PKN3: variants seen among roughly 807,000 people sequenced by gnomAD.
PKN3 encodes protein kinase N3.
A neutral mutation model predicts 113.1 loss-of-function variants in PKN3; 91 were observed. The ratio of observed to expected loss-of-function variants is 0.80; its 90% CI spans 0.68 to 0.96. The LOEUF is 0.96. Ranked by LOEUF, PKN3 falls within the 40% of genes least tolerant of loss-of-function variation. The pLI, the probability that PKN3 is intolerant of heterozygous loss-of-function variation, is 0.00. For missense variants in PKN3, 1,052 were observed against 1,202.2 expected (o/e 0.88, Z 1.85); for synonymous variants, 467 against 499.0 (o/e 0.94, Z 0.85).
intron 6 of PKN3, among the ~76,000 whole-genome samples, chr9:128,711,487 T>G (rs1372316457): frequency 6.6e-6 from 1 of 151,332 alleles, no homozygotes; most frequent in East Asian, 1.9e-4. Flanking sequence ...ATTTTTTGTA[T>G]TTTTAGTAGA....
chr9:128,709,932 G>A (rs1276502088), intron 6 of PKN3: 2 of 148,652 alleles, frequency 1.3e-5, no homozygotes, highest in Non-Finnish European at 3.0e-5. Context: ...AACAGAGTGA[G>A]ACTCCGAGCA....
rs118142875 is a variant in PKN3 at position 128,718,723 on chromosome 9, C to T, written c.2125+98C>T. ...TGGCATGTCCCAGGAAATCTCCTCA[C>T]CTGCGGATGCCCTGGTTCCACCACC... On this transcript the variant is annotated intron_variant, in intron 18 of 21. Transcript: ENST00000291906. 3,710 of 1,131,650 alleles carry T rather than the reference C, an allele frequency of 3.3e-3. 33 individuals are homozygous for T. Among genetic ancestry groups the T allele is most frequent in the African/African-American group, 0.023 (1,517 of 65,938 alleles). 70.1% of individuals were successfully genotyped at this position (1,131,650 alleles called of 1,614,324 possible). A position where few individuals can be genotyped will look rare whatever the true frequency, so the allele number is the denominator to read the frequency against.
intron 6 of PKN3, among the ~76,000 whole-genome samples, chr9:128,712,249 CT>C (rs1249010956): frequency 1.3e-5 from 2 of 152,152 alleles, no homozygotes; most frequent in African/African-American, 2.4e-5. Flanking sequence ...CCCTGGACCC[CT>C]GCCTTTGTTT....
At chr9:128,703,281 C>A in intron 1 of PKN3, 2 of 809,764 alleles carry the variant, frequency 2.5e-6, no homozygotes, top group Non-Finnish European at 3.0e-6. Context: ...GGCTCCAAGG[C>A]CGACGGGAAT....
Position 128,720,675 on chromosome 9 carries a change from G to A in PKN3, c.*69G>A, listed in dbSNP as rs1015660980. ...AGAGCCTCTGCTCGTTCACCCGTGC[G>A]CCCTGCCTGGAGGTCCAGGCCTTGC... On this transcript the variant is annotated 3_prime_UTR_variant, in exon 22 of 22. Coordinates refer to ENST00000291906, the MANE Select transcript of PKN3 (RefSeq NM_013355.5). The surrounding 1 kb of genome is among the most constrained non-coding windows in gnomAD (Gnocchi z 5.5). 34 of 1,382,770 alleles carry A rather than the reference G, an allele frequency of 2.5e-5. No homozygotes were observed. The highest frequency in any genetic ancestry group is 2.4e-4 in the South Asian group (19 of 78,678). The allele number at this position is 1,382,770 out of a possible 1,614,324, so 85.7% of individuals were successfully genotyped here. A position where few individuals can be genotyped will look rare whatever the true frequency, so the allele number is the denominator to read the frequency against.
rs781019007 is a variant in PKN3, at chr9:128,718,390, G to A, written c.2048+3G>A. On this transcript the variant is annotated splice_donor_region_variant and intron_variant, in intron 17 of 21. Transcript: ENST00000291906. ...CACGAGAAGAAGATCATTTACAGGT[G>A]ACTTTTGTCCCAGGGATGCACGGGG... The A allele has an allele frequency of 7.1e-7, 1 of 1,400,198 alleles. No individual in the cohort carries two copies. The allele number at this position is 1,400,198 out of a possible 1,614,324, so 86.7% of individuals were successfully genotyped here.
At chr9:128,710,752 A>C (rs528884971) in intron 6 of PKN3, among the ~76,000 whole-genome samples, 39 of 152,272 alleles carry the variant, frequency 2.6e-4, no homozygotes, top group Non-Finnish European at 5.1e-4. Flanking sequence ...TTGGCCTCCC[A>C]AAGTGCTGGG....
At chr9:128,708,138 T>TGGAAGACTGAGGTGGGC (rs1334252691) in intron 6 of PKN3, among the ~76,000 whole-genome samples, 2 of 150,648 alleles carry the variant, frequency 1.3e-5, no homozygotes, top group South Asian at 2.1e-4. Flanking sequence ...CCCAGCACTT[T>TGGAAGACTGAGGTGGGC]GGAAGACTGA....
chr9:128,714,963 T>C (rs1198345592), intron 13 of PKN3, 98 bp downstream of exon 13: 1 of 1,242,316 alleles, frequency 8.0e-7, no homozygotes, highest in African/African-American at 1.5e-5. Context: ...CCCTGGCGGG[T>C]GCGCTGACTG....
chr9:128,720,806 G>A lies in PKN3; in HGVS notation c.*200G>A, dbSNP rs757112152. ...AGTGTGTCCCTTCCCCCTCCAGCTC[G>A]CCCTCTTCTACCTCCCAGCGAGACC... On this transcript the variant is annotated 3_prime_UTR_variant, in exon 22 of 22. Coordinates refer to ENST00000291906, the MANE Select transcript of PKN3 (RefSeq NM_013355.5). This position sits in a 1 kb window ranked among gnomAD's most constrained non-coding sequence, Gnocchi z 5.5. The A allele has an allele frequency of 6.9e-5, 42 of 607,540 alleles. No homozygotes were observed. Among genetic ancestry groups the A allele is most frequent in the Non-Finnish European group, 1.2e-4 (40 of 344,062 alleles). The allele number at this position is 607,540 out of a possible 1,614,324, so 37.6% of individuals were successfully genotyped here. A position where few individuals can be genotyped will look rare whatever the true frequency, so the allele number is the denominator to read the frequency against.
Position 128,716,733 on chromosome 9 carries a change from G to C in PKN3, c.1809-14G>C, listed in dbSNP as rs1564376914. 2 of 1,611,642 alleles carry C rather than the reference G, an allele frequency of 1.2e-6. No individual in the cohort carries two copies. The highest frequency in any genetic ancestry group is 1.7e-6 in the Non-Finnish European group (2 of 1,178,258). On this transcript the variant is annotated splice_polypyrimidine_tract_variant and intron_variant, in intron 15 of 21. Coordinates refer to ENST00000291906, the MANE Select transcript of PKN3 (RefSeq NM_013355.5). ...AGTTTTCCTTCCCTCTAATACTCTTGCTCTCTCCTGTAGCCTGTACTGCGA... is the reference window on the plus strand; with the variant it reads ...AGTTTTCCTTCCCTCTAATACTCTTCCTCTCTCCTGTAGCCTGTACTGCGA...
intron 18 of PKN3, among the ~76,000 whole-genome samples, chr9:128,719,121 C>T (rs1862439460): frequency 6.6e-6 from 1 of 151,700 alleles, no homozygotes; most frequent in Admixed American, 6.6e-5. Context: ...TGGTCTCGAT[C>T]TCCTGACCTC....
At position 128,706,908 on chromosome 9, in the gene PKN3, T is replaced by A; in HGVS notation, c.536T>A (p.Leu179Gln). The change falls in exon 5 of 22, where the codon CTG becomes CAG. Residue 179 changes from leucine to glutamine, a missense_variant. Leu to Gln is a moderately radical substitution (Grantham distance 113). This residue lies in a region of PKN3 where 719 missense variants were observed against 759.4 expected (regional missense o/e 0.95). Coordinates refer to ENST00000291906, the MANE Select transcript of PKN3 (RefSeq NM_013355.5). ...GTCCTTCCCACAGGGCCTGAGCTGC[T>A]GGCGGAGGAGCTACAGCATCGACTG... ...SGSPEPGPEL[L>Q]AEELQHRLHV... is the part of the protein sequence containing the mutation. 6.2e-7 allele frequency: 1 copy of A among 1,614,152 alleles called. No individual in the cohort carries two copies. The highest frequency in any genetic ancestry group is 8.5e-7 in the Non-Finnish European group (1 of 1,180,020).
In PKN3 at chr9:128,713,352, T is replaced by TCCTGGGACCAGA; in HGVS notation, c.1061_1072dup (p.Trp354_Thr357dup). 6.2e-7 allele frequency: 1 copy of TCCTGGGACCAGA among 1,614,026 alleles called. No individual in the cohort carries two copies. Among genetic ancestry groups the TCCTGGGACCAGA allele is most frequent in the Non-Finnish European group, 8.5e-7 (1 of 1,180,008 alleles). On this transcript the variant is annotated inframe_insertion, in exon 8 of 22. Transcript: ENST00000291906. Reference sequence around the variant, plus strand: ...GGGCTGGGGGCAGGTGGCCGAACAGTCCTGGGACCAGACCTTTGTCATCCC... The same window carrying TCCTGGGACCAGA: ...GGGCTGGGGGCAGGTGGCCGAACAGTCCTGGGACCAGACCTGGGACCAGACCTTTGTCATCCC...
Position 128,713,324 on chromosome 9 carries a change from G to T in PKN3, c.1029G>T (p.Gln343His). The stretch of plus-strand genomic sequence containing the variant: ...AGGTGGACAACCGTGTTGTGGGGCA[G>T]ACGGGCTGGGGGCAGGTGGCCGAAC... ...VLKVDNRVVG[Q>H]TGWGQVAEQS... The change falls in exon 8 of 22, where the codon CAG becomes CAT. Residue 343 changes from glutamine (Q) to histidine (H), a missense_variant. By Grantham distance (24) the Gln-to-His change is conservative (BLOSUM62 0). Coordinates refer to ENST00000291906, the MANE Select transcript of PKN3 (RefSeq NM_013355.5). The T allele has an allele frequency of 3.7e-6, 6 of 1,614,162 alleles. 1 individual carries two copies. Among genetic ancestry groups the T allele is most frequent in the South Asian group, 3.3e-5 (3 of 91,062 alleles).
chr9:128,716,940 C>T lies in PKN3; in HGVS notation c.1985+17C>T, dbSNP rs571437218. 16 of 1,609,584 alleles carry T rather than the reference C, an allele frequency of 9.9e-6. No individual in the cohort carries two copies. The South Asian group carries it at 1.4e-4, about 14-fold the overall frequency. On this transcript the variant is annotated intron_variant, in intron 16 of 21. Transcript: ENST00000291906. Reference sequence around the variant, plus strand: ...CCAGGCCCGGTGGGTTCCATCCCTCCTGCCTGCCTCTTCCAGCAAACTTTG... The same window carrying T: ...CCAGGCCCGGTGGGTTCCATCCCTCTTGCCTGCCTCTTCCAGCAAACTTTG...
At position 128,714,623 on chromosome 9, in the gene PKN3, C is replaced by A; in HGVS notation, c.1543C>A (p.Arg515Ser). The A allele has an allele frequency of 1.4e-6, 2 of 1,431,944 alleles. No homozygotes were observed. The highest frequency in any genetic ancestry group is 9.9e-7 in the Non-Finnish European group (1 of 1,013,974). 88.7% of individuals were successfully genotyped at this position (1,431,944 alleles called of 1,614,324 possible). A position where few individuals can be genotyped will look rare whatever the true frequency, so the allele number is the denominator to read the frequency against. Residue 515 changes from arginine to serine, a missense_variant, in exon 12 of 22, where the codon CGC becomes AGC. Arg to Ser is a moderately radical substitution (Grantham distance 110). Transcript: ENST00000291906. The part of the protein sequence containing the change: ...EEMTPPPKPP[R>S]LYLPQEPTSE... ...GATGACACCCCCACCCAAGCCCCCA[C>A]GCCTCTACCTCCCCCAGGAGCCAAC...
rs553989365 is a variant in PKN3 at position 128,705,529 on chromosome 9, G to C, written c.251G>C (p.Gly84Ala). ...LHARILLPGP[G>A]PGPAEPVASG... Reference sequence around the variant, plus strand: ...GCCCGAATCCTGCTGCCCGGCCCTGGGCCTGGCCCAGCTGGTGAGTGAGGA... The same window carrying C: ...GCCCGAATCCTGCTGCCCGGCCCTGCGCCTGGCCCAGCTGGTGAGTGAGGA... The change falls in exon 2 of 22, where the codon GGG becomes GCG. Residue 84 changes from glycine (G) to alanine (A), a missense_variant. Physicochemically the swap from Gly to Ala is moderately conservative, Grantham distance 60. Transcript: ENST00000291906. 6.4e-7 allele frequency: 1 copy of C among 1,556,554 alleles called. No individual in the cohort carries two copies. Among genetic ancestry groups the C allele is most frequent in the East Asian group, 2.4e-5 (1 of 41,310 alleles).
chr9:128,719,627 T>C lies in PKN3; in HGVS notation c.2126-59T>C, dbSNP rs766251482. On this transcript the variant is annotated intron_variant, in intron 18 of 21. Coordinates refer to ENST00000291906, the MANE Select transcript of PKN3 (RefSeq NM_013355.5). ...TCCCTGGCATCATAAGGCTTGGCTA[T>C]TGAAGTTATTGTGAATAGGCCACAC... is the stretch of plus-strand genomic sequence containing the variant. 4.3e-5 allele frequency: 64 copies of C among 1,490,226 alleles called. 1 individual carries two copies. In the East Asian group the frequency reaches 6.4e-4, roughly 15 times the overall value. The allele number at this position is 1,490,226 out of a possible 1,614,324, so 92.3% of individuals were successfully genotyped here.
Sources: allele counts gnomAD v4.1 joint callset (sites outside exome capture counted in the v4.1 genomes callset), GRCh38; gene constraint gnomAD v4.1.1; regional missense constraint gnomAD v4.1.1; non-coding constraint Gnocchi (gnomAD v3.1); transcripts MANE v1.5; gene names NCBI Gene and HGNC (gene_info 2026-07-23, HGNC 2026-07-21).